The following DNM2 variants were observed in gnomAD, a reference collection of about 807,000 sequenced individuals.
DNM2 encodes the protein dynamin-2.
Under a neutral mutation model 99.0 loss-of-function variants are expected in DNM2, and 15 were observed. That is an observed-to-expected ratio of 0.15 (90% CI 0.10 to 0.23). DNM2 has a LOEUF of 0.23. Ranked by LOEUF, DNM2 falls within the 10% of genes least tolerant of loss-of-function variation. DNM2 has a pLI of 1.00. For missense variants in DNM2, 742 were observed against 1,189.4 expected, an observed-to-expected ratio of 0.62 and a Z score of 5.53; for synonymous variants, 525 against 481.2, an observed-to-expected ratio of 1.09 and a Z score of -1.19.
At chr19:10,738,708 A>C (rs1213462287) in intron 1 of DNM2, among the ~76,000 whole-genome samples, 1 of 151,768 alleles carries the variant, frequency 6.6e-6, no homozygotes, top group East Asian at 1.9e-4. Flanking sequence ...TGAAAAATAC[A>C]AAAAAAAGTT....
intron 5 of DNM2, among the ~76,000 whole-genome samples, chr19:10,779,920 C>G (rs1332727915): frequency 6.6e-6 from 1 of 152,116 alleles, no homozygotes; most frequent in Admixed American, 6.6e-5. Flanking sequence ...TCCCAAAATG[C>G]TGGGATTAAA....
At chr19:10,735,096 T>A (rs1461643647) in intron 1 of DNM2, among the ~76,000 whole-genome samples, 1 of 152,056 alleles carries the variant, frequency 6.6e-6, no homozygotes, top group Non-Finnish European at 1.5e-5. Context: ...CAGGCTGGAG[T>A]GCAGCGGCGC....
Position 10,772,489 on chromosome 19 carries a change from G to A in DNM2, c.246G>A (p.Glu82=), listed in dbSNP as rs781609353. Residue 82 remains glutamate, a synonymous_variant, in exon 3 of 21, where the codon GAG becomes GAA. Coordinates refer to ENST00000389253, the MANE Select transcript of DNM2 (RefSeq NM_001005361.3). This position sits in a 1 kb window ranked among gnomAD's most constrained non-coding sequence, Gnocchi z 4.9. ...CTCTTCCCTTTCTAGAACATGCCGA[G>A]TTTTTGCACTGCAAGTCCAAAAAGT... is the stretch of plus-strand genomic sequence containing the variant. ...QLIFSKTEHA[E]FLHCKSKKFT... 1.9e-6 allele frequency: 3 copies of A among 1,613,984 alleles called. No homozygotes were observed. In the African/African-American group the frequency reaches 4.0e-5, roughly 22 times the overall value.
At chr19:10,721,551 G>T (rs974833706) in intron 1 of DNM2, among the ~76,000 whole-genome samples, 1 of 152,200 alleles carries the variant, frequency 6.6e-6, no homozygotes, top group East Asian at 1.9e-4. Context: ...CTTTTTTTTG[G>T]GGGGGTGTAA....
At chr19:10,783,696 A>ATTTTTT (rs1373476449) in intron 6 of DNM2, among the ~76,000 whole-genome samples, 2 of 134,442 alleles carry the variant, frequency 1.5e-5, no homozygotes, top group African/African-American at 5.3e-5. Context: ...TATTATTATT[A>ATTTTTT]TTATTATTAT....
intron 13 of DNM2, among the ~76,000 whole-genome samples, chr19:10,806,436 G>A (rs1362369259): frequency 6.6e-6 from 1 of 152,092 alleles, no homozygotes; most frequent in Non-Finnish European, 1.5e-5. Flanking sequence ...CAAGGTGGGA[G>A]GGTCACTTGA....
rs368454097 is a variant in DNM2, at chr19:10,761,107, G to A, written c.235+1296G>A. ...GGGTTCAAGCGATTCTCCTTCCTCA[G>A]CCTCCTGAGTTGCTGGGACTACAGG... On this transcript the variant is annotated intron_variant, in intron 2 of 20. Transcript: ENST00000389253. Among the ~76,000 whole-genome samples, 33 of 151,878 alleles carry A rather than the reference G, an allele frequency of 2.2e-4. 1 individual carries two copies. Among genetic ancestry groups the A allele is most frequent in the East Asian group, 1.9e-3 (10 of 5,180 alleles).
chr19:10,762,397 G>A (rs1324784513), intron 2 of DNM2, among the ~76,000 whole-genome samples: 4 of 152,292 alleles, frequency 2.6e-5, no homozygotes, highest in Non-Finnish European at 2.9e-5. Flanking sequence ...ACACCACTGG[G>A]AGAGCCTGCC....
intron 3 of DNM2, among the ~76,000 whole-genome samples, chr19:10,773,779 T>G (rs113623926): frequency 0.014 from 2,204 of 152,130 alleles, 46 homozygotes; most frequent in African/African-American, 0.051. Context: ...ATTCAGCTAC[T>G]TTTTTGTATT....
chr19:10,830,042 A>G lies in DNM2; in HGVS notation c.2292-85A>G, dbSNP rs58724234. 66,547 of 1,585,422 alleles carry G rather than the reference A, an allele frequency of 0.042. 4,526 individuals carry two copies. The highest frequency in any genetic ancestry group is 0.37 in the East Asian group (16,331 of 44,720). ...TGCGCTGTCCCCATAGCCAGCCCCC[A>G]CCTCAGGTTCTGGCAGCCACAGTGG... is the stretch of plus-strand genomic sequence containing the variant. On this transcript the variant is annotated intron_variant, in intron 19 of 20. Coordinates refer to ENST00000389253, the MANE Select transcript of DNM2 (RefSeq NM_001005361.3). This position sits in a 1 kb window ranked among gnomAD's most constrained non-coding sequence, Gnocchi z 4.8.
At chr19:10,766,743 C>G (rs2070810225) in intron 2 of DNM2, among the ~76,000 whole-genome samples, 2 of 152,124 alleles carry the variant, frequency 1.3e-5, no homozygotes, top group South Asian at 2.1e-4. Flanking sequence ...AGTGGGCCCA[C>G]AGTTAGGAGG....
In DNM2 at chr19:10,796,108, A is replaced by G. The variant is rs866965396; in HGVS notation, c.1196+669A>G. On this transcript the variant is annotated intron_variant, in intron 9 of 20. Transcript: ENST00000389253. This position sits in a 1 kb window ranked among gnomAD's most constrained non-coding sequence, Gnocchi z 5.6. Reference sequence around the variant, plus strand: ...TTGGCATTCGAGGCCATTGTGAAAAAGCAGGTCGTCAAGCTGAAAGAGCCC... The same window carrying G: ...TTGGCATTCGAGGCCATTGTGAAAAGGCAGGTCGTCAAGCTGAAAGAGCCC... 6.2e-7 allele frequency: 1 copy of G among 1,614,148 alleles called. No individual in the cohort carries two copies. Among genetic ancestry groups the G allele is most frequent in the African/African-American group, 1.3e-5 (1 of 75,058 alleles).
At chr19:10,798,454 C>T (rs1197822496) in intron 10 of DNM2, 32 bp from the exon 11 acceptor site, 5 of 1,612,306 alleles carry the variant, frequency 3.1e-6, no homozygotes, top group East Asian at 2.2e-5. Flanking sequence ...ACGAGGACCC[C>T]GCCAATGCGA....
At chr19:10,802,713 G>A in intron 12 of DNM2, 2 of 372,486 alleles carry the variant, frequency 5.4e-6, no homozygotes, top group South Asian at 4.5e-5. Context: ...CCCAGACTCT[G>A]CCACTTCATG....
Position 10,796,323 on chromosome 19 carries a change from C to A in DNM2, c.1196+884C>A. On this transcript the variant is annotated intron_variant, in intron 9 of 20. Coordinates refer to ENST00000389253, the MANE Select transcript of DNM2 (RefSeq NM_001005361.3). This position sits in a 1 kb window ranked among gnomAD's most constrained non-coding sequence, Gnocchi z 5.6. ...CTTTTCTCCCCATATCGCTTTGTGT[C>A]CGTGAACTTGGCCTCTCCCCAGAGG... 3 of 1,464,750 alleles carry A rather than the reference C, an allele frequency of 2.0e-6. No homozygotes were observed. The highest frequency in any genetic ancestry group is 2.8e-6 in the Non-Finnish European group (3 of 1,058,910). The allele number at this position is 1,464,750 out of a possible 1,614,324, so 90.7% of individuals were successfully genotyped here. A position where few individuals can be genotyped will look rare whatever the true frequency, so the allele number is the denominator to read the frequency against.
At chr19:10,828,582 CAA>C (rs34919087) in intron 18 of DNM2, among the ~76,000 whole-genome samples, 6 of 99,610 alleles carry the variant, frequency 6.0e-5, no homozygotes, top group Admixed American at 1.1e-4. Flanking sequence ...GAGACTGTCT[CAA>C]AAAAAAAAAA....
At chr19:10,742,121 T>TC (rs939349063) in intron 1 of DNM2, among the ~76,000 whole-genome samples, 2 of 152,028 alleles carry the variant, frequency 1.3e-5, no homozygotes, top group Non-Finnish European at 2.9e-5. Context: ...CTGATCACTC[T>TC]CCCCCTTGAA....
At chr19:10,788,493 A>G (rs1366003805) in intron 7 of DNM2, among the ~76,000 whole-genome samples, 1 of 152,130 alleles carries the variant, frequency 6.6e-6, no homozygotes, top group Non-Finnish European at 1.5e-5. Flanking sequence ...GGAGCCATGG[A>G]CAGTTCTGAG....
intron 6 of DNM2, 111 bp from the exon 7 acceptor site, chr19:10,786,453 T>A: frequency 6.5e-7 from 1 of 1,531,400 alleles, no homozygotes; most frequent in East Asian, 2.2e-5. Context: ...TGTGGTGTGG[T>A]GGCCGCATAG....
Sources: gnomAD v4.1 joint callset for allele counts (sites outside exome capture counted in the v4.1 genomes callset) on GRCh38, gnomAD v4.1.1 for gene constraint, Gnocchi (gnomAD v3.1) non-coding constraint, MANE v1.5 for transcripts, NCBI Gene and HGNC (gene_info 2026-07-23, HGNC 2026-07-21) for gene names.